The following HSD17B3 variants were observed in gnomAD, a reference collection of about 807,000 sequenced individuals.
The protein encoded by HSD17B3 is hydroxysteroid 17-beta dehydrogenase 3.
HSD17B3 carries 29 observed loss-of-function variants against 41.1 expected under a neutral mutation model. That is an observed-to-expected ratio of 0.71 (90% confidence interval 0.53 to 0.96). HSD17B3 has a LOEUF of 0.96. Among genes scored for constraint, HSD17B3 ranks in the 40% least tolerant of loss-of-function variants. The probability of loss-of-function intolerance (pLI) is 0.00; values close to 1 mark genes in which losing one functional copy is unlikely to be tolerated. For missense variants in HSD17B3, 323 were observed against 374.6 expected, an observed-to-expected ratio of 0.86 and a Z score of 1.14; for synonymous variants, 126 against 145.6, an observed-to-expected ratio of 0.87 and a Z score of 0.97.
intron 4 of HSD17B3, 42 bp from the exon 5 acceptor site, chr9:96,251,527 G>T (rs372887612): frequency 9.1e-6 from 14 of 1,545,598 alleles, no homozygotes; most frequent in African/African-American, 1.4e-5. Context: ...AGAAGATCAG[G>T]TGGGAGATTT....
chr9:96,290,652 G>A (rs1002510695), intron 2 of HSD17B3, among the ~76,000 whole-genome samples: 91 of 151,624 alleles, frequency 6.0e-4, no homozygotes, highest in Admixed American at 1.2e-3. Flanking sequence ...TGGCCAACAT[G>A]GTGAAACCCC....
intron 2 of HSD17B3, among the ~76,000 whole-genome samples, chr9:96,283,578 A>G (rs1826790363): frequency 6.6e-6 from 1 of 152,204 alleles, no homozygotes; most frequent in South Asian, 2.1e-4. Flanking sequence ...GGAAATTCCT[A>G]TAATTCTGAT....
At chr9:96,277,522 T>C (rs906802017) in intron 2 of HSD17B3, among the ~76,000 whole-genome samples, 2 of 152,170 alleles carry the variant, frequency 1.3e-5, no homozygotes, top group Non-Finnish European at 1.5e-5. Flanking sequence ...CAATGAGCTA[T>C]CACTTCACAC....
At chr9:96,276,576 G>A (rs1225748127) in intron 2 of HSD17B3, among the ~76,000 whole-genome samples, 1 of 152,168 alleles carries the variant, frequency 6.6e-6, no homozygotes, top group African/African-American at 2.4e-5. Flanking sequence ...CAATGGAACA[G>A]AATAGAGAGC....
intron 2 of HSD17B3, among the ~76,000 whole-genome samples, chr9:96,295,457 C>A (rs748044511): frequency 2.0e-5 from 3 of 152,052 alleles, no homozygotes; most frequent in Admixed American, 1.3e-4. Context: ...GCCTCAGCCT[C>A]CCAAGTAGCT....
At chr9:96,263,616 C>T (rs1825943877) in intron 2 of HSD17B3, among the ~76,000 whole-genome samples, 1 of 151,708 alleles carries the variant, frequency 6.6e-6, no homozygotes, top group Non-Finnish European at 1.5e-5. Flanking sequence ...GTAGTCCCAG[C>T]TATTCGGGAG....
chr9:96,277,769 T>C (rs1826524054), intron 2 of HSD17B3, among the ~76,000 whole-genome samples: 1 of 151,676 alleles, frequency 6.6e-6, no homozygotes, highest in African/African-American at 2.4e-5. Context: ...ATTACAGTAC[T>C]ATTCACAATA....
In HSD17B3 at chr9:96,235,372, G is replaced by A; in HGVS notation, c.*88C>T. ...AGCCCCCTCCATCTTCAGCGGACTA[G>A]GTTGAAGTGCTGGTCTGCTCCTCTG... On this transcript the variant is annotated 3_prime_UTR_variant, in exon 11 of 11. Transcript: ENST00000375263. 1.1e-6 allele frequency: 1 copy of A among 898,698 alleles called. No homozygotes were observed. Among genetic ancestry groups the A allele is most frequent in the Non-Finnish European group, 1.8e-6 (1 of 549,386 alleles). 55.7% of individuals were successfully genotyped at this position (898,698 alleles called of 1,614,324 possible). A position where few individuals can be genotyped will look rare whatever the true frequency, so the allele number is the denominator to read the frequency against.
chr9:96,243,518 G>T (rs143224717), intron 9 of HSD17B3, among the ~76,000 whole-genome samples: 2 of 152,198 alleles, frequency 1.3e-5, no homozygotes, highest in Non-Finnish European at 2.9e-5. Context: ...AAATCAGTGT[G>T]CGCAGCAATA....
At chr9:96,256,985 G>A (rs1359359209) in intron 2 of HSD17B3, among the ~76,000 whole-genome samples, 1 of 152,062 alleles carries the variant, frequency 6.6e-6, no homozygotes, top group African/African-American at 2.4e-5. Context: ...TCCGGATCTG[G>A]TGGTTTAGGA....
chr9:96,278,889 G>C (rs893023526), intron 2 of HSD17B3, among the ~76,000 whole-genome samples: 1 of 152,170 alleles, frequency 6.6e-6, no homozygotes, highest in African/African-American at 2.4e-5. Context: ...CTGGATCAAA[G>C]AGTCAGGAAC....
intron 2 of HSD17B3, among the ~76,000 whole-genome samples, chr9:96,272,560 A>C (rs1826307974): frequency 6.7e-6 from 1 of 149,262 alleles, no homozygotes; most frequent in African/African-American, 2.5e-5. Context: ...TAAAGTAAAA[A>C]CTAATGACAA....
At chr9:96,289,143 GCAGTCA>G (rs1827048750) in intron 2 of HSD17B3, among the ~76,000 whole-genome samples, 1 of 150,236 alleles carries the variant, frequency 6.7e-6, no homozygotes, top group African/African-American at 2.5e-5. Context: ...AAAAAGATAG[GCAGTCA>G]CTAGATGCTG....
At chr9:96,292,897 T>G (rs1413372512) in intron 2 of HSD17B3, among the ~76,000 whole-genome samples, 1 of 152,200 alleles carries the variant, frequency 6.6e-6, no homozygotes, top group African/African-American at 2.4e-5. Flanking sequence ...TTTCAAGTGC[T>G]GAAAGAAAAG....
chr9:96,272,405 C>CTCTCTCTCTCTCTATATA (rs1239816824), intron 2 of HSD17B3, among the ~76,000 whole-genome samples: 3 of 21,530 alleles, frequency 1.4e-4, no homozygotes, highest in Non-Finnish European at 1.8e-4. Context: ...CTCTCTCTCT[C>CTCTCTCTCTCTCTATATA]TATATATATA....
intron 1 of HSD17B3, among the ~76,000 whole-genome samples, chr9:96,300,209 GACACACACACACACAC>G (rs55707445): frequency 8.6e-5 from 10 of 116,310 alleles, no homozygotes; most frequent in Admixed American, 4.9e-4. Context: ...ACCCCAAGAG[GACACACACACACACAC>G]ACACACACAC....
chr9:96,241,604 T>A (rs1836440317), intron 9 of HSD17B3, among the ~76,000 whole-genome samples: 2 of 152,148 alleles, frequency 1.3e-5, no homozygotes, highest in Admixed American at 6.5e-5. Flanking sequence ...AATGGGGTTT[T>A]ATTACCTTAT....
rs191885194 is a variant in HSD17B3 at position 96,270,113 on chromosome 9, G to A, written c.202-15170C>T. On this transcript the variant is annotated intron_variant, in intron 2 of 10. Coordinates refer to ENST00000375263, the MANE Select transcript of HSD17B3 (RefSeq NM_000197.2). ...AAGGTAAACATAAATGTGGCATACAGGCAGCTTCAAGGACACTGGTGATGT... is the reference window on the plus strand; with the variant it reads ...AAGGTAAACATAAATGTGGCATACAAGCAGCTTCAAGGACACTGGTGATGT... Among the ~76,000 whole-genome samples, 3 of 152,174 alleles carry A rather than the reference G, an allele frequency of 2.0e-5. No individual in the cohort carries two copies. In the East Asian group the frequency reaches 5.8e-4, roughly 29 times the overall value.
chr9:96,273,984 A>G (rs1826357890), intron 2 of HSD17B3, among the ~76,000 whole-genome samples: 1 of 152,250 alleles, frequency 6.6e-6, no homozygotes, highest in African/African-American at 2.4e-5. Context: ...ATGCACAGAC[A>G]TTAATGCAAG....
Sources: gnomAD v4.1 joint callset for allele counts (sites outside exome capture counted in the v4.1 genomes callset) on GRCh38, gnomAD v4.1.1 for gene constraint, MANE v1.5 for transcripts, NCBI Gene and HGNC (gene_info 2026-07-23, HGNC 2026-07-21) for gene names.